Variants in GLG1 observed in about 807,000 individuals in gnomAD.
The protein encoded by GLG1 is Golgi apparatus protein 1.
In GLG1, 38 loss-of-function variants were observed where a neutral mutation model predicts 160.5. The ratio of observed to expected loss-of-function variants is 0.24; its 90% confidence interval spans 0.18 to 0.31. GLG1 has a LOEUF of 0.31. GLG1 is among the 10% of genes least tolerant of loss of function. The pLI is 1.00. For synonymous variants in GLG1, 644 were observed against 543.4 expected, an observed-to-expected ratio of 1.19 and a Z score of -2.57; for missense variants, 1,373 against 1,505.2, an observed-to-expected ratio of 0.91 and a Z score of 1.45.
intron 17 of GLG1, 47 bp downstream of exon 17, chr16:74,468,899 G>A (rs540095883): frequency 1.4e-5 from 17 of 1,181,688 alleles, no homozygotes; most frequent in South Asian, 1.3e-4. Flanking sequence ...AGCTTTCCAA[G>A]CCCTGGCCCA....
intron 1 of GLG1, among the ~76,000 whole-genome samples, chr16:74,597,851 CAAAAA>C (rs34802935): frequency 9.7e-6 from 1 of 103,098 alleles, no homozygotes; most frequent in African/African-American, 3.8e-5. Flanking sequence ...GAGACTGCCT[CAAAAA>C]AAAAAAAAAA....
Position 74,474,420 on chromosome 16 carries a change from G to T in GLG1, c.2052+126C>A, listed in dbSNP as rs187062478. The T allele has an allele frequency of 1.6e-4, 107 of 664,982 alleles. 2 individuals are homozygous for T. The Admixed American group carries it at 2.1e-3, about 13-fold the overall frequency. 41.2% of individuals were successfully genotyped at this position (664,982 alleles called of 1,614,324 possible). A position where few individuals can be genotyped will look rare whatever the true frequency, so the allele number is the denominator to read the frequency against. Reference sequence around the variant, plus strand: ...TTTATAAAGCAAACATGGAAAATTTGATCAGGTTTCTTTTGATTGACAGAA... The same window carrying T: ...TTTATAAAGCAAACATGGAAAATTTTATCAGGTTTCTTTTGATTGACAGAA... On this transcript the variant is annotated intron_variant, in intron 13 of 25. Coordinates refer to ENST00000422840, the MANE Select transcript of GLG1 (RefSeq NM_001145667.2).
chr16:74,465,582 T>C (rs905592390), intron 19 of GLG1, 94 bp downstream of exon 19: 9 of 1,317,710 alleles, frequency 6.8e-6, no homozygotes, highest in Middle Eastern at 2.6e-4. Context: ...GGACCACACT[T>C]TGAGAAAGCT....
At position 74,462,473 on chromosome 16, in the gene GLG1, C is replaced by T; in HGVS notation, c.2934+15G>A. On this transcript the variant is annotated intron_variant, in intron 21 of 25. Coordinates refer to ENST00000422840, the MANE Select transcript of GLG1 (RefSeq NM_001145667.2). The stretch of plus-strand genomic sequence containing the variant: ...TCCATAAATACACCTTTGTGGAGAG[C>T]CCAGGCCAGTTTACCTGGTCAGCAT... The T allele has an allele frequency of 6.2e-7, 1 of 1,610,566 alleles. No homozygotes were observed.
chr16:74,462,332 T>C (rs1037419290), intron 21 of GLG1, 137 bp from the exon 22 acceptor site: 3 of 806,720 alleles, frequency 3.7e-6, no homozygotes, highest in East Asian at 2.5e-5. Context: ...AAAAACAAAA[T>C]GCCTGCTTTT....
chr16:74,563,699 C>T lies in GLG1; in HGVS notation c.439-31546G>A, dbSNP rs965662334. On this transcript the variant is annotated intron_variant, in intron 1 of 25. Transcript: ENST00000422840. ...CCGAGATCACGCCACTATTCTCCAG[C>T]CTGCGCAACAGAGTGAGACCCTGTC... Among the ~76,000 whole-genome samples the T allele has an allele frequency of 2.0e-5, 3 of 150,232 alleles. No individual in the cohort carries two copies. In the South Asian group the frequency reaches 6.4e-4, roughly 32 times the overall value.
chr16:74,567,408 T>C (rs193258855), intron 1 of GLG1, among the ~76,000 whole-genome samples: 1 of 152,258 alleles, frequency 6.6e-6, no homozygotes, highest in Admixed American at 6.5e-5. Context: ...GGTATCTCTT[T>C]ATTCTAATGA....
At chr16:74,591,854 G>GA (rs1958191747) in intron 1 of GLG1, among the ~76,000 whole-genome samples, 2 of 152,164 alleles carry the variant, frequency 1.3e-5, no homozygotes, top group African/African-American at 2.4e-5. Context: ...TTTATACAGG[G>GA]AAAAAAAGCA....
chr16:74,566,620 C>CT (rs11398047), intron 1 of GLG1, among the ~76,000 whole-genome samples: 85,172 of 151,944 alleles, frequency 0.56, 24,943 homozygotes, highest in East Asian at 0.8. Flanking sequence ...GAGCAGGTCT[C>CT]TTTTTTTCCC....
intron 2 of GLG1, among the ~76,000 whole-genome samples, chr16:74,519,136 T>G (rs958282049): frequency 1.3e-5 from 2 of 152,162 alleles, no homozygotes; most frequent in Non-Finnish European, 2.9e-5. Flanking sequence ...ACATATACAC[T>G]GTGGAATACT....
intron 1 of GLG1, among the ~76,000 whole-genome samples, chr16:74,581,283 T>C (rs1241806160): frequency 6.6e-6 from 1 of 152,122 alleles, no homozygotes; most frequent in African/African-American, 2.4e-5. Flanking sequence ...AAATGCAGTG[T>C]ATACGTATAA....
At chr16:74,593,970 G>C (rs192331232) in intron 1 of GLG1, among the ~76,000 whole-genome samples, 2 of 151,724 alleles carry the variant, frequency 1.3e-5, no homozygotes, top group Non-Finnish European at 2.9e-5. Flanking sequence ...GCAATGGCAC[G>C]ATCTTGGCTC....
rs373294110 is a variant in GLG1, at chr16:74,462,760, T to C, written c.2792-130A>G. 12 of 839,062 alleles carry C rather than the reference T, an allele frequency of 1.4e-5. No individual in the cohort carries two copies. The African/African-American group carries it at 1.7e-4, about 12-fold the overall frequency. 52.0% of individuals were successfully genotyped at this position (839,062 alleles called of 1,614,324 possible). A position where few individuals can be genotyped will look rare whatever the true frequency, so the allele number is the denominator to read the frequency against. On this transcript the variant is annotated intron_variant, in intron 20 of 25. Coordinates refer to ENST00000422840, the MANE Select transcript of GLG1 (RefSeq NM_001145667.2). ...TACAACCATGGATTTATCTATTCAA[T>C]AAACATTTACTGAGCTCTCACTACA...
intron 1 of GLG1, among the ~76,000 whole-genome samples, chr16:74,548,731 C>T (rs1194029691): frequency 5.1e-4 from 77 of 152,132 alleles, no homozygotes; most frequent in Middle Eastern, 6.8e-3. Context: ...TACAGTAGCT[C>T]AGGCCTGTAA....
At chr16:74,500,741 C>T (rs755351562) in intron 4 of GLG1, among the ~76,000 whole-genome samples, 2 of 151,712 alleles carry the variant, frequency 1.3e-5, no homozygotes, top group African/African-American at 2.4e-5. Flanking sequence ...GGCACATGTC[C>T]GCAATTAAGT....
At chr16:74,464,815 T>C (rs1368031886) in intron 19 of GLG1, among the ~76,000 whole-genome samples, 2 of 151,762 alleles carry the variant, frequency 1.3e-5, no homozygotes, top group African/African-American at 2.4e-5. Context: ...ATAAAGGAGC[T>C]AGAACCTTTA....
At chr16:74,568,564 C>G (rs1301802198) in intron 1 of GLG1, among the ~76,000 whole-genome samples, 1 of 152,002 alleles carries the variant, frequency 6.6e-6, no homozygotes, top group African/African-American at 2.4e-5. Context: ...ATTACAGTTG[C>G]ACACCACCAC....
intron 4 of GLG1, among the ~76,000 whole-genome samples, chr16:74,498,634 G>A (rs2016298934): frequency 6.7e-6 from 1 of 149,038 alleles, no homozygotes; most frequent in Non-Finnish European, 1.5e-5. Context: ...GGAGGCCGAG[G>A]CGGGTGGATC....
At chr16:74,542,780 A>AG (rs1421863008) in intron 1 of GLG1, among the ~76,000 whole-genome samples, 2 of 149,542 alleles carry the variant, frequency 1.3e-5, no homozygotes, top group Admixed American at 6.6e-5. Flanking sequence ...GAAGGAAGGA[A>AG]GGAAGGAAGG....
Sources: allele counts gnomAD v4.1 joint callset (sites outside exome capture counted in the v4.1 genomes callset), GRCh38; gene constraint gnomAD v4.1.1; transcripts MANE v1.5; gene names NCBI Gene and HGNC (gene_info 2026-07-23, HGNC 2026-07-21).